Variants in GALNT2 observed in about 807,000 individuals in gnomAD.
GALNT2 encodes the protein UDP-GalNAc:polypeptide N-acetylgalactosaminyltransferase 2.
Under a neutral mutation model 81.4 loss-of-function variants are expected in GALNT2, and 31 were observed. The ratio of observed to expected loss-of-function variants is 0.38; its 90% CI spans 0.29 to 0.51. The LOEUF (loss-of-function observed/expected upper bound fraction) is 0.51, where lower values mean the gene tolerates loss of function less well. Among genes scored for constraint, GALNT2 ranks in the 20% least tolerant of loss-of-function variants. The pLI is 0.87. For missense variants in GALNT2, 629 were observed against 765.7 expected (o/e 0.82, Z 2.11); for synonymous variants, 303 against 287.4 (o/e 1.05, Z -0.55).
At position 230,178,304 on chromosome 1, in the gene GALNT2, C is replaced by T. The variant is rs1241984017; in HGVS notation, c.213C>T (p.Leu71=). The part of the protein sequence containing the change: ...GEEKAQSMET[L]PPGKVRWPDF... ...AGAAAGCACAAAGCATGGAGACCCT[C>T]CCTCCAGGTACTGCCAGGGGCCAGG... is the stretch of plus-strand genomic sequence containing the variant. The change falls in exon 2 of 16, where the codon CTC becomes CTT. Residue 71 remains leucine, a synonymous_variant. Coordinates refer to ENST00000366672, the MANE Select transcript of GALNT2 (RefSeq NM_004481.5). 6.2e-7 allele frequency: 1 copy of T among 1,613,416 alleles called. No individual in the cohort carries two copies. Among genetic ancestry groups the T allele is most frequent in the Non-Finnish European group, 8.5e-7 (1 of 1,179,520 alleles).
chr1:230,179,834 G>T (rs887242370), intron 2 of GALNT2, among the ~76,000 whole-genome samples: 7 of 152,082 alleles, frequency 4.6e-5, no homozygotes, highest in Admixed American at 6.6e-5. Flanking sequence ...CACGCCTTTG[G>T]TGTTTTCTCT....
intron 3 of GALNT2, among the ~76,000 whole-genome samples, chr1:230,216,206 A>G (rs1362938513): frequency 1.3e-5 from 2 of 152,204 alleles, no homozygotes; most frequent in African/African-American, 2.4e-5. Flanking sequence ...TCGTGGAACC[A>G]TGAAACTGAA....
chr1:230,152,963 G>T (rs1349375900), intron 1 of GALNT2, among the ~76,000 whole-genome samples: 1 of 152,226 alleles, frequency 6.6e-6, no homozygotes, highest in East Asian at 1.9e-4. Context: ...CCATCTTTCT[G>T]TGCCTTCAGT....
chr1:230,105,407 G>C (rs7527527), intron 1 of GALNT2, among the ~76,000 whole-genome samples: 70,056 of 147,830 alleles, frequency 0.47, 16,369 homozygotes, highest in South Asian at 0.56. Flanking sequence ...CATTTCCCCC[G>C]CCTCTCATGT....
chr1:230,215,339 G>A lies in GALNT2; in HGVS notation c.374+12049G>A, dbSNP rs577694074. ...GGCCGTTTGGCTCTATGCCGTTTGA[G>A]GGGAAGAGGATCAGAGAATGTTGGC... On this transcript the variant is annotated intron_variant, in intron 3 of 15. Coordinates refer to ENST00000366672, the MANE Select transcript of GALNT2 (RefSeq NM_004481.5). Among the ~76,000 whole-genome samples, 7 of 152,326 alleles carry A rather than the reference G, an allele frequency of 4.6e-5. No homozygotes were observed. The South Asian group carries it at 1.5e-3, about 32-fold the overall frequency.
chr1:230,250,784 T>C (rs1665523598), intron 10 of GALNT2, among the ~76,000 whole-genome samples: 1 of 152,160 alleles, frequency 6.6e-6, no homozygotes, highest in South Asian at 2.1e-4. Context: ...AGAATACGGA[T>C]AAAGTCTTTG....
At chr1:230,165,024 A>G (rs1662557567) in intron 1 of GALNT2, among the ~76,000 whole-genome samples, 1 of 152,218 alleles carries the variant, frequency 6.6e-6, no homozygotes, top group Non-Finnish European at 1.5e-5. Context: ...AGATCCCTTA[A>G]TGATGTGAAA....
chr1:230,206,120 A>G (rs1664050336), intron 3 of GALNT2, among the ~76,000 whole-genome samples: 1 of 152,100 alleles, frequency 6.6e-6, no homozygotes, highest in Admixed American at 6.5e-5. Context: ...GTTAAGAGCT[A>G]GTTTTCCCAC....
At chr1:230,075,140 T>TTTTG (rs1553309840) in intron 1 of GALNT2, among the ~76,000 whole-genome samples, 14 of 145,416 alleles carry the variant, frequency 9.6e-5, no homozygotes, top group Middle Eastern at 3.5e-3. Flanking sequence ...TTTTTTTTTT[T>TTTTG]TTTGAGACAA....
chr1:230,168,997 C>T (rs767138453), intron 1 of GALNT2, among the ~76,000 whole-genome samples: 17 of 152,158 alleles, frequency 1.1e-4, no homozygotes, highest in East Asian at 3.9e-4. Flanking sequence ...ATGACCTTGA[C>T]GGTTTTGAGG....
intron 1 of GALNT2, among the ~76,000 whole-genome samples, chr1:230,164,882 C>T (rs1662553148): frequency 6.6e-6 from 1 of 152,110 alleles, no homozygotes; most frequent in African/African-American, 2.4e-5. Flanking sequence ...TGAGATTCTA[C>T]AGTAGTGCCT....
In GALNT2 at chr1:230,110,714, G is replaced by GTTTTT. The variant is rs113630188; in HGVS notation, c.126+43318_126+43322dup. Among the ~76,000 whole-genome samples, 1,187 of 137,628 alleles carry GTTTTT rather than the reference G, an allele frequency of 8.6e-3. 38 individuals are homozygous for GTTTTT. The highest frequency in any genetic ancestry group is 0.025 in the African/African-American group (936 of 37,224). 90.3% of individuals were successfully genotyped at this position (137,628 alleles called of 152,430 possible). ...GGGTCTCTCTCAGCTGTGCTTTTCT[G>GTTTTT]TTTTTTTTTTTTTTGTCTTCAATAG... On this transcript the variant is annotated intron_variant, in intron 1 of 15. Coordinates refer to ENST00000366672, the MANE Select transcript of GALNT2 (RefSeq NM_004481.5).
chr1:230,183,976 CAA>C (rs202173898), intron 2 of GALNT2, among the ~76,000 whole-genome samples: 12 of 135,508 alleles, frequency 8.9e-5, no homozygotes, highest in Admixed American at 7.4e-5. Flanking sequence ...GACTACAACT[CAA>C]AAAAAAAAAA....
At chr1:230,267,086 C>G (rs899141024) in intron 14 of GALNT2, among the ~76,000 whole-genome samples, 1 of 152,220 alleles carries the variant, frequency 6.6e-6, no homozygotes, top group Non-Finnish European at 1.5e-5. Context: ...CTCAGTCCCC[C>G]TCTCTTCCTT....
At position 230,159,998 on chromosome 1, in the gene GALNT2, A is replaced by G. The variant is rs143742530; in HGVS notation, c.127-18220A>G. On this transcript the variant is annotated intron_variant, in intron 1 of 15. Transcript: ENST00000366672. ...CTGTGGGGTGTCGTCTGAATCCAGC[A>G]GCCGCACCACCCAGGTGCTTCCCTC... Among the ~76,000 whole-genome samples the G allele has an allele frequency of 8.4e-3, 1,282 of 152,212 alleles. 7 individuals carry two copies. Among genetic ancestry groups the G allele is most frequent in the Non-Finnish European group, 0.012 (816 of 68,016 alleles).
chr1:230,131,989 T>A, intron 1 of GALNT2, among the ~76,000 whole-genome samples: 1 of 152,198 alleles, frequency 6.6e-6, no homozygotes, highest in East Asian at 1.9e-4. Flanking sequence ...GTTACCTCCT[T>A]CCTGCTCTTG....
chr1:230,279,610 A>T lies in GALNT2; in HGVS notation c.*152A>T. ...AAAGTCAAACTTCGGCAAGGCACGG[A>T]CGACTGTGCAGACACAGCAGCGGCA... is the stretch of plus-strand genomic sequence containing the variant. On this transcript the variant is annotated 3_prime_UTR_variant, in exon 16 of 16. Coordinates refer to ENST00000366672, the MANE Select transcript of GALNT2 (RefSeq NM_004481.5). The surrounding 1 kb of genome is among the most constrained non-coding windows in gnomAD (Gnocchi z 4.6). The T allele has an allele frequency of 2.1e-6, 2 of 956,636 alleles. No individual in the cohort carries two copies. Among genetic ancestry groups the T allele is most frequent in the Non-Finnish European group, 3.0e-6 (2 of 656,558 alleles). The allele number at this position is 956,636 out of a possible 1,614,324, so 59.3% of individuals were successfully genotyped here. A position where few individuals can be genotyped will look rare whatever the true frequency, so the allele number is the denominator to read the frequency against.
intron 1 of GALNT2, among the ~76,000 whole-genome samples, chr1:230,165,363 A>G (rs1662570889): frequency 6.6e-6 from 1 of 152,250 alleles, no homozygotes; most frequent in African/African-American, 2.4e-5. Context: ...GGCTGTTAAC[A>G]GAAATTAACG....
Position 230,279,578 on chromosome 1 carries a change from T to C in GALNT2, c.*120T>C. The C allele has an allele frequency of 7.7e-7, 1 of 1,302,538 alleles. No homozygotes were observed. The highest frequency in any genetic ancestry group is 1.0e-6 in the Non-Finnish European group (1 of 962,284). 80.7% of individuals were successfully genotyped at this position (1,302,538 alleles called of 1,614,324 possible). ...ACTAATATACCTCAGTATTCCATCATGGTCTGAAAGTCAAACTTCGGCAAG... is the reference window on the plus strand; with the variant it reads ...ACTAATATACCTCAGTATTCCATCACGGTCTGAAAGTCAAACTTCGGCAAG... On this transcript the variant is annotated 3_prime_UTR_variant, in exon 16 of 16. Coordinates refer to ENST00000366672, the MANE Select transcript of GALNT2 (RefSeq NM_004481.5). The surrounding 1 kb of genome is among the most constrained non-coding windows in gnomAD (Gnocchi z 4.6).
Sources: allele counts gnomAD v4.1 joint callset (sites outside exome capture counted in the v4.1 genomes callset), GRCh38; gene constraint gnomAD v4.1.1; non-coding constraint Gnocchi (gnomAD v3.1); transcripts MANE v1.5; gene names NCBI Gene and HGNC (gene_info 2026-07-23, HGNC 2026-07-21).